Variants in CPPED1 observed in about 807,000 individuals in gnomAD.
CPPED1 encodes serine/threonine-protein phosphatase CPPED1.
In CPPED1, 28 loss-of-function variants were observed where a neutral mutation model predicts 28.0. The ratio of observed to expected loss-of-function variants is 1.00; its 90% CI spans 0.74 to 1.37. CPPED1 has a LOEUF of 1.37. CPPED1 is among the 40% of genes most tolerant of loss of function. The probability of loss-of-function intolerance (pLI) is 0.00; values close to 1 mark genes in which losing one functional copy is unlikely to be tolerated. For missense variants in CPPED1, 504 were observed against 416.5 expected, an observed-to-expected ratio of 1.21 and a Z score of -1.83; for synonymous variants, 198 against 180.2, an observed-to-expected ratio of 1.10 and a Z score of -0.79.
At chr16:12,689,304 G>A (rs573014043) in intron 3 of CPPED1, among the ~76,000 whole-genome samples, 4 of 138,518 alleles carry the variant, frequency 2.9e-5, no homozygotes, top group African/African-American at 1.1e-4. Context: ...TTGGCTCATT[G>A]CAACCTCGAA....
At chr16:12,803,590 C>A (rs1377580308) in intron 1 of CPPED1, 117 bp downstream of exon 1, 14 of 900,374 alleles carry the variant, frequency 1.6e-5, no homozygotes, top group South Asian at 1.3e-4. Context: ...GCTCCCAGGC[C>A]CCGGTGCAGC....
chr16:12,753,087 C>G (rs112837607), intron 2 of CPPED1: 151 of 151,998 alleles, frequency 9.9e-4, no homozygotes, highest in Middle Eastern at 3.4e-3. Flanking sequence ...AATTTATGAT[C>G]TAAATTTTTT....
chr16:12,790,740 C>T (rs907791699), intron 1 of CPPED1, among the ~76,000 whole-genome samples: 1 of 151,680 alleles, frequency 6.6e-6, no homozygotes, highest in Non-Finnish European at 1.5e-5. Context: ...ACCATCCTGG[C>T]CAACATGGTG....
At chr16:12,789,798 AT>A in intron 1 of CPPED1, among the ~76,000 whole-genome samples, 1 of 152,150 alleles carries the variant, frequency 6.6e-6, no homozygotes, top group Non-Finnish European at 1.5e-5. Flanking sequence ...AGGTGCTAGG[AT>A]TACAGCCATG....
At chr16:12,787,528 C>T (rs768564783) in intron 1 of CPPED1, among the ~76,000 whole-genome samples, 1 of 151,830 alleles carries the variant, frequency 6.6e-6, no homozygotes, top group African/African-American at 2.4e-5. Flanking sequence ...CCTTAGCCTC[C>T]TGAGCAGCTG....
intron 2 of CPPED1, among the ~76,000 whole-genome samples, chr16:12,763,294 G>A (rs1347257662): frequency 6.0e-5 from 9 of 151,188 alleles, no homozygotes; most frequent in African/African-American, 1.9e-4. Flanking sequence ...AAACTCCTGC[G>A]TTCAGGCTAT....
intron 3 of CPPED1, among the ~76,000 whole-genome samples, chr16:12,681,126 G>A (rs1311405905): frequency 5.9e-5 from 4 of 68,228 alleles, no homozygotes; most frequent in East Asian, 2.8e-4. Flanking sequence ...CCCGACCCCC[G>A]TTTCCCCCCG....
At chr16:12,689,261 C>T (rs1430840421) in intron 3 of CPPED1, among the ~76,000 whole-genome samples, 2 of 131,076 alleles carry the variant, frequency 1.5e-5, no homozygotes, top group South Asian at 5.1e-4. Flanking sequence ...GGGTCTCACT[C>T]TGTCCTCCAG....
chr16:12,770,886 A>AAGGAC (rs2080466394), intron 2 of CPPED1, among the ~76,000 whole-genome samples: 1 of 27,244 alleles, frequency 3.7e-5, no homozygotes, highest in Non-Finnish European at 6.7e-5. Context: ...AAGGAAAGGA[A>AAGGAC]GGGGGAGGGG....
At chr16:12,789,769 A>G (rs1157462385) in intron 1 of CPPED1, among the ~76,000 whole-genome samples, 2 of 152,136 alleles carry the variant, frequency 1.3e-5, no homozygotes, top group Non-Finnish European at 2.9e-5. Flanking sequence ...TCGAGTGATC[A>G]GCTCACCTTG....
chr16:12,769,065 A>T (rs944857671), intron 2 of CPPED1, among the ~76,000 whole-genome samples: 26 of 151,934 alleles, frequency 1.7e-4, no homozygotes, highest in African/African-American at 5.8e-4. Flanking sequence ...GGGTTTTACC[A>T]TGTTGGTCAG....
rs141367448 is a variant in CPPED1 at position 12,742,025 on chromosome 16, C to A, written c.290-36976G>T. ...AGGTCACAGTGAGTCGAGATCAGACCACTGCACTCCAGCCTAGGTGACAGA... is the reference window on the plus strand; with the variant it reads ...AGGTCACAGTGAGTCGAGATCAGACAACTGCACTCCAGCCTAGGTGACAGA... On this transcript the variant is annotated intron_variant, in intron 2 of 3. Coordinates refer to ENST00000381774, the MANE Select transcript of CPPED1 (RefSeq NM_018340.3). Among the ~76,000 whole-genome samples, 21 of 152,182 alleles carry A rather than the reference C, an allele frequency of 1.4e-4. No individual in the cohort carries two copies. The East Asian group carries it at 4.1e-3, about 29-fold the overall frequency.
In CPPED1 at chr16:12,664,249, G is replaced by C. The variant is rs373088044; in HGVS notation, c.*637C>G. 1.3e-5 allele frequency: 7 copies of C among 532,094 alleles called. No individual in the cohort carries two copies. In the African/African-American group the frequency reaches 1.4e-4, roughly 11 times the overall value. 33.0% of individuals were successfully genotyped at this position (532,094 alleles called of 1,614,324 possible). On this transcript the variant is annotated 3_prime_UTR_variant, in exon 4 of 4. Coordinates refer to ENST00000381774, the MANE Select transcript of CPPED1 (RefSeq NM_018340.3). The surrounding 1 kb of genome is among the most constrained non-coding windows in gnomAD (Gnocchi z 4.2). ...TTTATGTGCAAAGGTGACTTTTCTA[G>C]GCACCCAGGAAGGCAAATTTAAGCT...
chr16:12,668,178 C>T (rs564447987), intron 3 of CPPED1, among the ~76,000 whole-genome samples: 1 of 152,178 alleles, frequency 6.6e-6, no homozygotes, highest in Non-Finnish European at 1.5e-5. Flanking sequence ...TAAAAGTTTA[C>T]CACGTCTAAA....
intron 2 of CPPED1, among the ~76,000 whole-genome samples, chr16:12,731,224 G>A (rs1038653621): frequency 1.3e-5 from 2 of 150,930 alleles, no homozygotes; most frequent in African/African-American, 4.9e-5. Context: ...CGCGATCTCG[G>A]CTCACTGCAA....
At chr16:12,679,920 G>A (rs766076427) in intron 3 of CPPED1, among the ~76,000 whole-genome samples, 12 of 152,044 alleles carry the variant, frequency 7.9e-5, no homozygotes, top group South Asian at 2.1e-4. Context: ...TCAAATAACC[G>A]AGAAAGATTA....
At chr16:12,729,871 C>T (rs1449649741) in intron 2 of CPPED1, among the ~76,000 whole-genome samples, 1 of 152,136 alleles carries the variant, frequency 6.6e-6, no homozygotes, top group Non-Finnish European at 1.5e-5. Context: ...GTTATTATTG[C>T]TTCTTTTGAG....
intron 2 of CPPED1, among the ~76,000 whole-genome samples, chr16:12,708,593 T>C (rs1464310482): frequency 6.6e-6 from 1 of 152,158 alleles, no homozygotes; most frequent in Non-Finnish European, 1.5e-5. Flanking sequence ...CAGAAATAGT[T>C]TTTAGTTAAG....
chr16:12,661,342 G>C lies in CPPED1; in HGVS notation c.*3544C>G, dbSNP rs1038395960. On this transcript the variant is annotated 3_prime_UTR_variant, in exon 4 of 4. Coordinates refer to ENST00000381774, the MANE Select transcript of CPPED1 (RefSeq NM_018340.3). ...AAGTGATCAATAATCTCTTAATACT[G>C]AAAATCACAAAATAGGATAAAACGT... The C allele has an allele frequency of 6.6e-6, 1 of 152,104 alleles. No homozygotes were observed. The highest frequency in any genetic ancestry group is 1.5e-5 in the Non-Finnish European group (1 of 68,006). The allele number at this position is 152,104 out of a possible 1,614,324, so 9.4% of individuals were successfully genotyped here. A position where few individuals can be genotyped will look rare whatever the true frequency, so the allele number is the denominator to read the frequency against.
Sources: gnomAD v4.1 joint callset for allele counts (sites outside exome capture counted in the v4.1 genomes callset) on GRCh38, gnomAD v4.1.1 for gene constraint, Gnocchi (gnomAD v3.1) non-coding constraint, MANE v1.5 for transcripts, NCBI Gene and HGNC (gene_info 2026-07-23, HGNC 2026-07-21) for gene names.